The following MED12L variants were observed in gnomAD, a reference collection of about 807,000 sequenced individuals.
MED12L encodes the protein mediator complex subunit 12L.
A neutral mutation model predicts 281.3 loss-of-function variants in MED12L; 60 were observed. The ratio of observed to expected loss-of-function variants is 0.21; its 90% CI spans 0.17 to 0.26. MED12L has a LOEUF of 0.26. Ranked by LOEUF, MED12L falls within the 10% of genes least tolerant of loss-of-function variation. MED12L has a pLI of 1.00. For synonymous variants in MED12L, 974 were observed against 987.2 expected (o/e 0.99, Z 0.25); for missense variants, 2,146 against 2,680.9 (o/e 0.80, Z 4.41).
intron 5 of MED12L, among the ~76,000 whole-genome samples, chr3:151,128,807 T>G (rs1170993449): frequency 6.6e-6 from 1 of 152,236 alleles, no homozygotes; most frequent in Non-Finnish European, 1.5e-5. Context: ...TTAAAATATT[T>G]GTATCTGTCA....
intron 16 of MED12L, chr3:151,212,749 A>G (rs1727386429): frequency 6.6e-6 from 1 of 152,038 alleles, no homozygotes; most frequent in African/African-American, 2.4e-5. Context: ...ATACATCAAT[A>G]AGGGGTTTCT....
At chr3:151,125,546 C>T (rs1304280312) in intron 4 of MED12L, among the ~76,000 whole-genome samples, 2 of 152,174 alleles carry the variant, frequency 1.3e-5, no homozygotes, top group Non-Finnish European at 1.5e-5. Flanking sequence ...GTTGGAGATG[C>T]TAACTTGCGC....
chr3:151,319,809 G>A (rs1748777165), intron 16 of MED12L, among the ~76,000 whole-genome samples: 2 of 151,968 alleles, frequency 1.3e-5, no homozygotes, highest in Non-Finnish European at 2.9e-5. Context: ...CAACAAACTG[G>A]CAACAAACTA....
rs1037152354 is a variant in MED12L, at chr3:151,403,422, C to T, written c.5821-5821C>T. On this transcript the variant is annotated intron_variant, in intron 39 of 44. Transcript: ENST00000687756. ...AATGCATGGCATGCTGATTCATAGG[C>T]CAATGCAAGATAATGAAAACTGTGG... Among the ~76,000 whole-genome samples, 8 of 152,098 alleles carry T rather than the reference C, an allele frequency of 5.3e-5. No individual in the cohort carries two copies. The East Asian group carries it at 1.3e-3, about 26-fold the overall frequency.
intron 38 of MED12L, 89 bp downstream of exon 38, chr3:151,390,224 G>A (rs1714017978): frequency 2.3e-6 from 3 of 1,327,600 alleles, no homozygotes; most frequent in Middle Eastern, 1.8e-4. Context: ...ACAAAACTTG[G>A]ACATTTCAAC....
intron 3 of MED12L, among the ~76,000 whole-genome samples, chr3:151,120,996 T>C (rs573192173): frequency 2.0e-5 from 3 of 152,312 alleles, no homozygotes; most frequent in Non-Finnish European, 4.4e-5. Flanking sequence ...GAGAATATAA[T>C]TATAAAATAG....
At chr3:151,223,794 A>C (rs1729902163) in intron 16 of MED12L, among the ~76,000 whole-genome samples, 1 of 152,224 alleles carries the variant, frequency 6.6e-6, no homozygotes, top group Non-Finnish European at 1.5e-5. Context: ...AGTGTCACAC[A>C]ATATACCCAA....
intron 36 of MED12L, 26 bp from the exon 37 acceptor site, chr3:151,387,771 GATCTGAGTGTGCT>G: frequency 6.4e-7 from 1 of 1,559,788 alleles, no homozygotes; most frequent in Non-Finnish European, 8.7e-7. Flanking sequence ...ATAAGGAAAA[GATCTGAGTGTGCT>G]ATCTTAGAGC....
At position 151,357,064 on chromosome 3, in the gene MED12L, T is replaced by G. The variant is rs952320434; in HGVS notation, c.2662-149T>G. 125 of 650,258 alleles carry G rather than the reference T, an allele frequency of 1.9e-4. 1 individual carries two copies. The highest frequency in any genetic ancestry group is 2.9e-4 in the Non-Finnish European group (115 of 395,516). 40.3% of individuals were successfully genotyped at this position (650,258 alleles called of 1,614,324 possible). On this transcript the variant is annotated intron_variant, in intron 19 of 44. Coordinates refer to ENST00000687756, the MANE Select transcript of MED12L (RefSeq NM_001393769.1). Reference sequence around the variant, plus strand: ...TAGACAGAAGAACAACTCTATAAATTGGAAAAGGATTAAAAATTTTAAAAA... The same window carrying G: ...TAGACAGAAGAACAACTCTATAAATGGGAAAAGGATTAAAAATTTTAAAAA...
chr3:151,410,661 T>A (rs1163790207), intron 40 of MED12L, among the ~76,000 whole-genome samples: 1 of 152,224 alleles, frequency 6.6e-6, no homozygotes, highest in African/African-American at 2.4e-5. Context: ...GTGTTCACAT[T>A]ATTAGTAGAG....
chr3:151,198,551 C>T (rs201541733), intron 16 of MED12L: 3 of 1,614,064 alleles, frequency 1.9e-6, no homozygotes, highest in Non-Finnish European at 2.5e-6. Flanking sequence ...AGGATCAAAG[C>T]ACAGGTTCGA....
At position 151,156,249 on chromosome 3, in the gene MED12L, C is replaced by T. The variant is rs753222101; in HGVS notation, c.645C>T (p.Gly215=). The change falls in exon 6 of 45, where the codon GGC becomes GGT. Residue 215 remains glycine, a synonymous_variant. Coordinates refer to ENST00000687756, the MANE Select transcript of MED12L (RefSeq NM_001393769.1). ...FYHMASSTGD[G]PVPVPPEVEQ... is the part of the protein sequence containing the mutation. ...ACATGGCCTCCAGCACGGGCGATGG[C>T]CCTGTCCCTGTGCCACCAGAGGTGG... 1.9e-6 allele frequency: 3 copies of T among 1,613,500 alleles called. No individual in the cohort carries two copies. Among genetic ancestry groups the T allele is most frequent in the South Asian group, 1.1e-5 (1 of 90,872 alleles).
At position 151,365,019 on chromosome 3, in the gene MED12L, G is replaced by A; in HGVS notation, c.2998G>A (p.Val1000Met). 6 of 1,613,892 alleles carry A rather than the reference G, an allele frequency of 3.7e-6. No individual in the cohort carries two copies. Among genetic ancestry groups the A allele is most frequent in the Non-Finnish European group, 3.4e-6 (4 of 1,179,864 alleles). Residue 1000 changes from valine (V) to methionine (M), a missense_variant, in exon 22 of 45, where the codon GTG becomes ATG. Val to Met is a conservative substitution (Grantham distance 21). This residue lies in a region of MED12L where 404 missense variants were observed against 603.5 expected (regional missense o/e 0.67). Transcript: ENST00000687756. Reference sequence around the variant, plus strand: ...AGTAAAGCAAACCATATATAATAACGTGATGCCTGCAAATTCGAACTTGCG... The same window carrying A: ...AGTAAAGCAAACCATATATAATAACATGATGCCTGCAAATTCGAACTTGCG... ...SKVKQTIYNN[V>M]MPANSNLRWD...
At chr3:151,311,747 C>G (rs1747551158) in intron 16 of MED12L, among the ~76,000 whole-genome samples, 1 of 152,026 alleles carries the variant, frequency 6.6e-6, no homozygotes, top group Non-Finnish European at 1.5e-5. Context: ...TAATTTTAGG[C>G]CAGGCGTGGT....
intron 21 of MED12L, 74 bp downstream of exon 21, chr3:151,360,679 A>C (rs912361210): frequency 2.2e-6 from 3 of 1,346,816 alleles, no homozygotes; most frequent in Admixed American, 2.3e-5. Flanking sequence ...CAATATTGTC[A>C]TCCTTTTGAA....
chr3:151,162,225 GCT>G (rs1720089067), intron 8 of MED12L, among the ~76,000 whole-genome samples: 1 of 152,074 alleles, frequency 6.6e-6, no homozygotes, highest in South Asian at 2.1e-4. Context: ...ACAAGGAAGG[GCT>G]CTGTCAGGAG....
chr3:151,364,249 C>G (rs1194705453), intron 21 of MED12L, among the ~76,000 whole-genome samples: 1 of 152,148 alleles, frequency 6.6e-6, no homozygotes, highest in Non-Finnish European at 1.5e-5. Flanking sequence ...GGTTCTAATT[C>G]CTGTTATACT....
At chr3:151,373,552 A>G (rs1429801730) in intron 27 of MED12L, among the ~76,000 whole-genome samples, 1 of 148,276 alleles carries the variant, frequency 6.7e-6, no homozygotes, top group African/African-American at 2.6e-5. Context: ...GATGGTTGCA[A>G]AATGGTGGTT....
At chr3:151,411,216 A>T in intron 40 of MED12L, 62 bp from the exon 41 acceptor site, 1 of 1,425,206 alleles carries the variant, frequency 7.0e-7, no homozygotes, top group Non-Finnish European at 9.9e-7. Flanking sequence ...CATATATCGT[A>T]GTGATGGGAA....
Sources: gnomAD v4.1 joint callset for allele counts (sites outside exome capture counted in the v4.1 genomes callset) on GRCh38, gnomAD v4.1.1 for gene constraint, gnomAD v4.1.1 regional missense constraint, MANE v1.5 for transcripts, NCBI Gene and HGNC (gene_info 2026-07-23, HGNC 2026-07-21) for gene names.